The following NTRK3 variants were observed in gnomAD, a reference collection of about 807,000 sequenced individuals.
NTRK3 encodes the protein neurotrophic receptor tyrosine kinase 3.
Under a neutral mutation model 91.7 loss-of-function variants are expected in NTRK3, and 24 were observed. That is an observed-to-expected ratio of 0.26 (90% CI 0.19 to 0.37). The LOEUF (loss-of-function observed/expected upper bound fraction) is 0.37, where lower values mean the gene tolerates loss of function less well. NTRK3 is among the 10% of genes least tolerant of loss of function. The pLI is 1.00. For synonymous variants in NTRK3, 483 were observed against 404.0 expected, an observed-to-expected ratio of 1.20 and a Z score of -2.34; for missense variants, 880 against 1,068.9, an observed-to-expected ratio of 0.82 and a Z score of 2.46.
At position 88,235,091 on chromosome 15, in the gene NTRK3, C is replaced by G. The variant is rs934428996; in HGVS notation, c.248+20815G>C. On this transcript the variant is annotated intron_variant, in intron 3 of 18. Coordinates refer to ENST00000394480, the Ensembl canonical transcript of NTRK3. This position sits in a 1 kb window ranked among gnomAD's most constrained non-coding sequence, Gnocchi z 5.2. ...TTACACAAAGGCAGCCTCCTCACCT[C>G]CCCATCATGCCTCATAACAGAGCAC... is the stretch of plus-strand genomic sequence containing the variant. Among the ~76,000 whole-genome samples, 9 of 152,330 alleles carry G rather than the reference C, an allele frequency of 5.9e-5. No individual in the cohort carries two copies. The highest frequency in any genetic ancestry group is 2.0e-4 in the Admixed American group (3 of 15,306).
intron 14 of NTRK3, among the ~76,000 whole-genome samples, chr15:87,980,105 T>C (rs2074089586): frequency 6.6e-6 from 1 of 152,136 alleles, no homozygotes; most frequent in African/African-American, 2.4e-5. Flanking sequence ...TTCCAAATCT[T>C]ACAGGGGAGG....
chr15:88,230,335 G>A (rs2051072942), intron 3 of NTRK3, among the ~76,000 whole-genome samples: 1 of 152,156 alleles, frequency 6.6e-6, no homozygotes, highest in Non-Finnish European at 1.5e-5. Flanking sequence ...GTTCATATAT[G>A]GAAACCTGTT....
At chr15:88,149,371 T>C (rs778942949) in intron 5 of NTRK3, among the ~76,000 whole-genome samples, 1 of 152,190 alleles carries the variant, frequency 6.6e-6, no homozygotes, top group Non-Finnish European at 1.5e-5. Context: ...CCAAGTTTAC[T>C]GTTCTGCTGT....
chr15:88,108,840 C>A (rs1597362347), intron 13 of NTRK3, among the ~76,000 whole-genome samples: 1 of 152,132 alleles, frequency 6.6e-6, no homozygotes, highest in East Asian at 1.9e-4. Flanking sequence ...AGGCCCTACC[C>A]CAGACCTATC....
chr15:88,166,666 G>A (rs913734507), intron 5 of NTRK3, among the ~76,000 whole-genome samples: 2 of 152,182 alleles, frequency 1.3e-5, no homozygotes, highest in Non-Finnish European at 2.9e-5. Flanking sequence ...ATTTGGGAAC[G>A]TTGGACTCCT....
At chr15:88,249,954 G>A (rs559946228) in intron 3 of NTRK3, among the ~76,000 whole-genome samples, 4 of 152,074 alleles carry the variant, frequency 2.6e-5, no homozygotes, top group Non-Finnish European at 4.4e-5. Flanking sequence ...GGTCATTCCC[G>A]CAATGCTGCC....
intron 3 of NTRK3, among the ~76,000 whole-genome samples, chr15:88,191,163 C>CGTGTGTGTGTGTGTGTGTGTGTGT (rs60048541): frequency 1.0e-4 from 14 of 137,966 alleles, no homozygotes; most frequent in African/African-American, 3.8e-4. Flanking sequence ...TGATGTTTCC[C>CGTGTGTGTGTGTGTGTGTGTGTGT]GTGTGTGTGT....
At chr15:88,230,677 C>T (rs1838614951) in intron 3 of NTRK3, among the ~76,000 whole-genome samples, 2 of 152,116 alleles carry the variant, frequency 1.3e-5, no homozygotes, top group East Asian at 1.9e-4. Context: ...TACAGAGGCC[C>T]GATTCTACCT....
chr15:88,230,048 A>G (rs1863488), intron 3 of NTRK3, among the ~76,000 whole-genome samples: 124,619 of 152,184 alleles, frequency 0.82, 51,869 homozygotes, highest in East Asian at 0.99. Flanking sequence ...TGTGCTCTGG[A>G]CTCCAATCTA....
intron 14 of NTRK3, among the ~76,000 whole-genome samples, chr15:88,020,840 C>T (rs555273419): frequency 1.1e-4 from 16 of 152,192 alleles, no homozygotes; most frequent in South Asian, 4.1e-4. Context: ...TTCTCTCAGC[C>T]GCTAGACCCT....
intron 14 of NTRK3, among the ~76,000 whole-genome samples, chr15:87,982,262 A>T (rs1169727186): frequency 6.6e-6 from 1 of 152,198 alleles, no homozygotes; most frequent in African/African-American, 2.4e-5. Flanking sequence ...AAAATCCTCC[A>T]TTCCTCTCCC....
chr15:88,121,349 G>A (rs1298474483), intron 13 of NTRK3, among the ~76,000 whole-genome samples: 2 of 152,154 alleles, frequency 1.3e-5, no homozygotes, highest in Non-Finnish European at 1.5e-5. Flanking sequence ...GGGCATTTGT[G>A]TTGCTGTGGA....
chr15:88,154,851 T>C (rs575597576), intron 5 of NTRK3, among the ~76,000 whole-genome samples: 14 of 152,358 alleles, frequency 9.2e-5, no homozygotes, highest in African/African-American at 2.9e-4. Flanking sequence ...GCTTTTACTG[T>C]AAGAGAAGGA....
intron 14 of NTRK3, among the ~76,000 whole-genome samples, chr15:87,946,803 T>C (rs8039871): frequency 0.11 from 17,206 of 151,620 alleles, 2,229 homozygotes; most frequent in African/African-American, 0.32. Flanking sequence ...CTGCCATCAA[T>C]TGAGCACTTA....
chr15:87,903,664 C>A (rs1357934906), intron 17 of NTRK3, among the ~76,000 whole-genome samples: 1 of 152,226 alleles, frequency 6.6e-6, no homozygotes, highest in Non-Finnish European at 1.5e-5. Flanking sequence ...TAAGAACAGA[C>A]AACCAAACTC....
intron 3 of NTRK3, among the ~76,000 whole-genome samples, chr15:88,197,021 T>C (rs1024807052): frequency 2.8e-5 from 4 of 140,390 alleles, no homozygotes; most frequent in African/African-American, 5.3e-5. Flanking sequence ...TTTTAACTTA[T>C]GTACAATACT....
At chr15:87,963,417 A>G (rs1395068568) in intron 14 of NTRK3, among the ~76,000 whole-genome samples, 2 of 152,364 alleles carry the variant, frequency 1.3e-5, no homozygotes, top group East Asian at 1.9e-4. Context: ...CCCTCTGTTT[A>G]TTAAGACTGT....
chr15:88,224,741 G>T (rs1263156140), intron 3 of NTRK3, among the ~76,000 whole-genome samples: 1 of 152,192 alleles, frequency 6.6e-6, no homozygotes, highest in Non-Finnish European at 1.5e-5. Context: ...TGCGACTCTG[G>T]GAAGGTAGGG....
At chr15:88,094,806 C>T (rs1025430424) in intron 13 of NTRK3, among the ~76,000 whole-genome samples, 2 of 152,200 alleles carry the variant, frequency 1.3e-5, no homozygotes, top group African/African-American at 4.8e-5. Context: ...CAGGGAATGA[C>T]TTAGACAGTG....
Sources: allele counts gnomAD v4.1 joint callset (sites outside exome capture counted in the v4.1 genomes callset), GRCh38; gene constraint gnomAD v4.1.1; non-coding constraint Gnocchi (gnomAD v3.1); transcripts MANE v1.5; gene names NCBI Gene and HGNC (gene_info 2026-07-23, HGNC 2026-07-21).